The following PANK4 variants were observed in gnomAD, a reference collection of about 807,000 sequenced individuals.
PANK4 encodes pantothenate kinase 4 (inactive).
Under a neutral mutation model 87.9 loss-of-function variants are expected in PANK4, and 40 were observed. The observed-to-expected ratio is 0.46, with a 90% CI of 0.35 to 0.59. The LOEUF (loss-of-function observed/expected upper bound fraction) is 0.59. Ranked by LOEUF, PANK4 falls within the 20% of genes least tolerant of loss-of-function variation. The pLI, the probability that PANK4 is intolerant of heterozygous loss-of-function variation, is 0.00. For synonymous variants in PANK4, 524 were observed against 467.4 expected, an observed-to-expected ratio of 1.12 and a Z score of -1.56; for missense variants, 926 against 1,072.3, an observed-to-expected ratio of 0.86 and a Z score of 1.90.
intron 14 of PANK4, 104 bp downstream of exon 14, chr1:2,511,524 G>A: frequency 1.9e-6 from 2 of 1,077,742 alleles, no homozygotes; most frequent in South Asian, 1.2e-5. Context: ...CCTTGAGCAG[G>A]GGAGGTGCCT....
chr1:2,518,856 TG>T (rs1643834085), intron 7 of PANK4, among the ~76,000 whole-genome samples: 1 of 152,202 alleles, frequency 6.6e-6, no homozygotes, highest in African/African-American at 2.4e-5. Context: ...GGCATGTGGG[TG>T]GGCGTGCCTC....
chr1:2,521,021 G>T, intron 3 of PANK4, 80 bp downstream of exon 3: 1 of 1,526,550 alleles, frequency 6.6e-7, no homozygotes, highest in Non-Finnish European at 9.0e-7. Flanking sequence ...ACACACGAGC[G>T]CCAGGGACGC....
chr1:2,517,253 G>A (rs775186364), intron 9 of PANK4, among the ~76,000 whole-genome samples: 19 of 152,208 alleles, frequency 1.2e-4, no homozygotes, highest in African/African-American at 3.1e-4. Context: ...AGTGTGGTGC[G>A]TCTGTGCGAG....
In PANK4 at chr1:2,508,955, C is replaced by A; in HGVS notation, c.2214G>T (p.Leu738=). ...RAVHTNYHAA[L]RCESLKLAVI... is the part of the protein sequence containing the mutation. ...CGGCCAGCTTGAGGCTCTCGCAGCGCAGGGCTGCGTGGTAGTTTGTGTGGA... is the reference window on the plus strand; with the variant it reads ...CGGCCAGCTTGAGGCTCTCGCAGCGAAGGGCTGCGTGGTAGTTTGTGTGGA... The change falls in exon 19 of 19, where the codon CTG becomes CTT. Residue 738 remains leucine, a synonymous_variant. Transcript: ENST00000378466. The surrounding 1 kb of genome is among the most constrained non-coding windows in gnomAD (Gnocchi z 5.1). The A allele has an allele frequency of 3.7e-6, 6 of 1,610,648 alleles. No individual in the cohort carries two copies. The highest frequency in any genetic ancestry group is 5.1e-6 in the Non-Finnish European group (6 of 1,179,336).
chr1:2,520,503 G>T lies in PANK4; in HGVS notation c.607-89C>A. On this transcript the variant is annotated intron_variant, in intron 4 of 18. Coordinates refer to ENST00000378466, the MANE Select transcript of PANK4 (RefSeq NM_018216.4). The surrounding 1 kb of genome is among the most constrained non-coding windows in gnomAD (Gnocchi z 6.2). ...CCCGCCCCATGTGCTGCGCTGGGGT[G>T]AACCCCGCCCCCACCCCAACCGCCA... 1 of 1,180,722 alleles carries T rather than the reference G, an allele frequency of 8.5e-7. No individual in the cohort carries two copies. The highest frequency in any genetic ancestry group is 1.2e-6 in the Non-Finnish European group (1 of 828,772). 73.1% of individuals were successfully genotyped at this position (1,180,722 alleles called of 1,614,324 possible). A position where few individuals can be genotyped will look rare whatever the true frequency, so the allele number is the denominator to read the frequency against.
rs749136554 is a variant in PANK4, at chr1:2,520,797, G to A, written c.532C>T (p.Arg178Trp). Residue 178 changes from arginine (R) to tryptophan (W), a missense_variant, in exon 4 of 19, where the codon CGG becomes TGG. Arg to Trp is a moderately radical substitution (Grantham distance 101). Transcript: ENST00000378466. The surrounding 1 kb of genome is among the most constrained non-coding windows in gnomAD (Gnocchi z 6.2). ...ATGTGGGGGTGGTTGGTCTGGAACC[G>A]GAACTCAGGGTCGGAATCCTTCTGG... is the stretch of plus-strand genomic sequence containing the variant. ...VYQKDSDPEF[R>W]FQTNHPHIFP... The A allele has an allele frequency of 6.2e-7, 1 of 1,612,550 alleles. No individual in the cohort carries two copies. Among genetic ancestry groups the A allele is most frequent in the Non-Finnish European group, 8.5e-7 (1 of 1,179,448 alleles).
intron 1 of PANK4, among the ~76,000 whole-genome samples, chr1:2,524,561 G>C (rs369391584): frequency 5.9e-5 from 9 of 152,270 alleles, no homozygotes; most frequent in African/African-American, 2.2e-4. Context: ...CTTCTACCAA[G>C]AAACCCCCTG....
Position 2,526,515 on chromosome 1 carries a change from C to T in PANK4, c.73G>A (p.Asp25Asn). Residue 25 changes from aspartate to asparagine, a missense_variant, in exon 1 of 19, where the codon GAC (aspartate) becomes AAC (asparagine). Coordinates refer to ENST00000378466, the MANE Select transcript of PANK4 (RefSeq NM_018216.4). Reference protein sequence around the residue: ...SLDKSITLPPDEIFRNLENAK... With the variant: ...SLDKSITLPPNEIFRNLENAK... ...TTCTCCAGGTTGCGGAAGATCTCGT[C>T]GGGGGGCAGCGTGATGCTCTTGTCC... is the stretch of plus-strand genomic sequence containing the variant. The T allele has an allele frequency of 1.3e-6, 2 of 1,587,112 alleles. No individual in the cohort carries two copies. The highest frequency in any genetic ancestry group is 1.1e-5 in the South Asian group (1 of 88,476).
rs201806222 is a variant in PANK4, at chr1:2,520,426, C to T, written c.607-12G>A. 9,898 of 1,611,092 alleles carry T rather than the reference C, an allele frequency of 6.1e-3. 26 individuals carry two copies. The highest frequency in any genetic ancestry group is 7.2e-3 in the Non-Finnish European group (8,491 of 1,178,636). On this transcript the variant is annotated splice_polypyrimidine_tract_variant and intron_variant, in intron 4 of 18. Transcript: ENST00000378466. This position sits in a 1 kb window ranked among gnomAD's most constrained non-coding sequence, Gnocchi z 6.2. ...TCCTCCGTCTCCACCTGCAACAGAG[C>T]CAGGGCAGGTGTGCCCTCAGTGGGC...
In PANK4 at chr1:2,515,878, G is replaced by T. The variant is rs568930827; in HGVS notation, c.1219-161C>A. The T allele has an allele frequency of 2.6e-5, 19 of 730,330 alleles. No individual in the cohort carries two copies. In the Admixed American group the frequency reaches 3.0e-4, roughly 12 times the overall value. 45.2% of individuals were successfully genotyped at this position (730,330 alleles called of 1,614,324 possible). The stretch of plus-strand genomic sequence containing the variant: ...AGACCCCCACTGGGCCCCCTCAGCT[G>T]CCCGGCGGCCTGAGCCGGATACCTT... On this transcript the variant is annotated intron_variant, in intron 9 of 18. Transcript: ENST00000378466. This position sits in a 1 kb window ranked among gnomAD's most constrained non-coding sequence, Gnocchi z 5.0.
chr1:2,515,437 G>A lies in PANK4; in HGVS notation c.1374+125C>T. On this transcript the variant is annotated intron_variant, in intron 10 of 18. Transcript: ENST00000378466. This position sits in a 1 kb window ranked among gnomAD's most constrained non-coding sequence, Gnocchi z 5.0. ...AAAATCGCCCCCTCACTCAGACGCAGATCAAGGGGTTTCTGGACAACACTG... is the reference window on the plus strand; with the variant it reads ...AAAATCGCCCCCTCACTCAGACGCAAATCAAGGGGTTTCTGGACAACACTG... 1 of 1,095,070 alleles carries A rather than the reference G, an allele frequency of 9.1e-7. No homozygotes were observed. Among genetic ancestry groups the A allele is most frequent in the Non-Finnish European group, 1.4e-6 (1 of 725,988 alleles). 67.8% of individuals were successfully genotyped at this position (1,095,070 alleles called of 1,614,324 possible).
In PANK4 at chr1:2,520,185, A is replaced by G. The variant is rs1160777079; in HGVS notation, c.699+137T>C. 3.6e-6 allele frequency: 3 copies of G among 835,182 alleles called. No individual in the cohort carries two copies. The highest frequency in any genetic ancestry group is 2.3e-5 in the Admixed American group (1 of 44,414). The allele number at this position is 835,182 out of a possible 1,614,324, so 51.7% of individuals were successfully genotyped here. A position where few individuals can be genotyped will look rare whatever the true frequency, so the allele number is the denominator to read the frequency against. Reference sequence around the variant, plus strand: ...CTCAGGGCGCAAAGAGTGAAGCCGCAGAGGCCAGAGACCCACTGACGCGAG... The same window carrying G: ...CTCAGGGCGCAAAGAGTGAAGCCGCGGAGGCCAGAGACCCACTGACGCGAG... On this transcript the variant is annotated intron_variant, in intron 5 of 18. Transcript: ENST00000378466. The surrounding 1 kb of genome is among the most constrained non-coding windows in gnomAD (Gnocchi z 6.2).
chr1:2,516,459 G>A (rs1173323399), intron 9 of PANK4, among the ~76,000 whole-genome samples: 2 of 152,168 alleles, frequency 1.3e-5, no homozygotes, highest in Non-Finnish European at 2.9e-5. Flanking sequence ...ATCAGTACTC[G>A]GCTCTCTGCA....
In PANK4 at chr1:2,509,937, G is replaced by C; in HGVS notation, c.2040-7C>G. ...CTCTTCCTGGAGCGCAGAGCTGCCA[G>C]ATACAAGGTGGTCAGTGCCCCCAGG... On this transcript the variant is annotated splice_polypyrimidine_tract_variant and splice_region_variant and intron_variant, in intron 17 of 18. Coordinates refer to ENST00000378466, the MANE Select transcript of PANK4 (RefSeq NM_018216.4). The surrounding 1 kb of genome is among the most constrained non-coding windows in gnomAD (Gnocchi z 4.9). 6.2e-7 allele frequency: 1 copy of C among 1,610,876 alleles called. No individual in the cohort carries two copies. The highest frequency in any genetic ancestry group is 8.5e-7 in the Non-Finnish European group (1 of 1,179,234).
At position 2,510,626 on chromosome 1, in the gene PANK4, C is replaced by T. The variant is rs1424293633; in HGVS notation, c.1938+52G>A. Reference sequence around the variant, plus strand: ...AGGCCCACAGCGGCGCCAACCCCACCGAGAGCAGAGAAGCCCAGGGGAAGG... The same window carrying T: ...AGGCCCACAGCGGCGCCAACCCCACTGAGAGCAGAGAAGCCCAGGGGAAGG... On this transcript the variant is annotated intron_variant, in intron 16 of 18. Coordinates refer to ENST00000378466, the MANE Select transcript of PANK4 (RefSeq NM_018216.4). This position sits in a 1 kb window ranked among gnomAD's most constrained non-coding sequence, Gnocchi z 4.9. 7.2e-6 allele frequency: 8 copies of T among 1,118,546 alleles called. No individual in the cohort carries two copies. Among genetic ancestry groups the T allele is most frequent in the African/African-American group, 3.1e-5 (2 of 64,122 alleles). 69.3% of individuals were successfully genotyped at this position (1,118,546 alleles called of 1,614,324 possible). A position where few individuals can be genotyped will look rare whatever the true frequency, so the allele number is the denominator to read the frequency against.
Position 2,519,958 on chromosome 1 carries a change from C to T in PANK4, c.700-4G>A. ...GGTGCAGGAGCTCGTCAAACTTCTG[C>T]AGGACACGGCGAGGGGGCGGGTGAG... On this transcript the variant is annotated splice_region_variant and splice_polypyrimidine_tract_variant and intron_variant, in intron 5 of 18. Transcript: ENST00000378466. This position sits in a 1 kb window ranked among gnomAD's most constrained non-coding sequence, Gnocchi z 8.3. 6.5e-7 allele frequency: 1 copy of T among 1,547,706 alleles called. No individual in the cohort carries two copies. The highest frequency in any genetic ancestry group is 2.4e-5 in the East Asian group (1 of 42,204).
Position 2,512,870 on chromosome 1 carries a change from G to C in PANK4, c.1727+18C>G, listed in dbSNP as rs202218370. ...ACCCACAGGCTGCAGAGCCTGCTCC[G>C]AGCCCGCAGACACCTACGCAGACAC... On this transcript the variant is annotated intron_variant, in intron 13 of 18. Transcript: ENST00000378466. 2 of 1,611,826 alleles carry C rather than the reference G, an allele frequency of 1.2e-6. No individual in the cohort carries two copies. The highest frequency in any genetic ancestry group is 1.1e-5 in the South Asian group (1 of 91,058).
In PANK4 at chr1:2,519,844, G is replaced by A; in HGVS notation, c.810C>T (p.Asn270=). ...ACTTCCCGAAGCTGCTGGCGATGAG[G>A]TTCCCGCTCAGCCCGAGAGTCTGGT... ...GAHQTLGLSG[N]LIASSFGKSA... Residue 270 remains asparagine (N), a synonymous_variant, in exon 6 of 19, where the codon AAC becomes AAT. Coordinates refer to ENST00000378466, the MANE Select transcript of PANK4 (RefSeq NM_018216.4). The surrounding 1 kb of genome is among the most constrained non-coding windows in gnomAD (Gnocchi z 8.3). The A allele has an allele frequency of 6.3e-7, 1 of 1,578,390 alleles. No homozygotes were observed. The highest frequency in any genetic ancestry group is 8.6e-7 in the Non-Finnish European group (1 of 1,162,884).
chr1:2,521,271 T>G lies in PANK4; in HGVS notation c.252A>C (p.Gln84His). The change falls in exon 3 of 19, where the codon CAA (glutamine) becomes CAC (histidine). Residue 84 changes from glutamine to histidine, a missense_variant. By Grantham distance (24) the Gln-to-His change is conservative. Transcript: ENST00000378466. Reference sequence around the variant, plus strand: ...AGTGCAGTCGAGCAGTGATCTCTTCTTGAACTGAAATCTCATAGGGCGGCT... The same window carrying G: ...AGTGCAGTCGAGCAGTGATCTCTTCGTGAACTGAAATCTCATAGGGCGGCT... ...EHEPPYEISVQEEITARLHFI... is the reference protein window; with the variant it reads ...EHEPPYEISVHEEITARLHFI... The G allele has an allele frequency of 6.2e-7, 1 of 1,613,976 alleles. No individual in the cohort carries two copies.
Sources: gnomAD v4.1 joint callset for allele counts (sites outside exome capture counted in the v4.1 genomes callset) on GRCh38, gnomAD v4.1.1 for gene constraint, Gnocchi (gnomAD v3.1) non-coding constraint, MANE v1.5 for transcripts, NCBI Gene and HGNC (gene_info 2026-07-23, HGNC 2026-07-21) for gene names.